MUC4: variants seen among roughly 807,000 people sequenced by gnomAD.
The protein encoded by MUC4 is mucin 4, cell surface associated, also known as mucin-4.
A neutral mutation model predicts 257.9 loss-of-function variants in MUC4; 202 were observed. The observed-to-expected ratio is 0.78, with a 90% CI of 0.70 to 0.88. MUC4 has a LOEUF of 0.88. Among genes scored for constraint, MUC4 ranks in the 40% least tolerant of loss-of-function variants. MUC4 has a pLI of 0.00. For missense variants in MUC4, 5,976 were observed against 6,513.7 expected, an observed-to-expected ratio of 0.92 and a Z score of 2.84; for synonymous variants, 2,351 against 2,757.1, an observed-to-expected ratio of 0.85 and a Z score of 4.62.
At chr3:195,801,647 TGCTC>T (rs1735330623) in intron 1 of MUC4, among the ~76,000 whole-genome samples, 1 of 152,144 alleles carries the variant, frequency 6.6e-6, no homozygotes, top group Admixed American at 6.5e-5. Context: ...TACCACGCAC[TGCTC>T]GCTCTGCCCC....
rs1733585931 is a variant in MUC4 at position 195,789,526 on chromosome 3, T to C, written c.2054A>G (p.Asp685Gly). 2 of 1,613,760 alleles carry C rather than the reference T, an allele frequency of 1.2e-6. No individual in the cohort carries two copies. Among genetic ancestry groups the C allele is most frequent in the South Asian group, 1.1e-5 (1 of 91,054 alleles). ...GHSPSEIVPQ[D>G]APTISAATTF... ...TGTTGCTGCACTTATGGTGGGTGCG[T>C]CCTGAGGAACAATTTCTGAGGGCGA... is the stretch of plus-strand genomic sequence containing the variant. Residue 685 changes from aspartate (D) to glycine (G), a missense_variant, in exon 2 of 25, where the codon GAC (aspartate) becomes GGC (glycine). By Grantham distance (94) the Asp-to-Gly change is moderately conservative. Coordinates refer to ENST00000463781, the MANE Select transcript of MUC4 (RefSeq NM_018406.7).
rs1344822924 is a variant in MUC4 at position 195,778,775 on chromosome 3, G to A, written c.12790+15C>T. On this transcript the variant is annotated intron_variant, in intron 2 of 24. Transcript: ENST00000463781. ...GCCCACTGGGAGACATAAAGGCGAG[G>A]CAGTTGGCAGCTACCTGGTGTTTCC... is the stretch of plus-strand genomic sequence containing the variant. The A allele has an allele frequency of 6.2e-7, 1 of 1,600,032 alleles. No homozygotes were observed. The highest frequency in any genetic ancestry group is 8.5e-7 in the Non-Finnish European group (1 of 1,171,922).
In MUC4 at chr3:195,748,908, CG is replaced by C; in HGVS notation, c.16027del (p.Arg5343AlafsTer20). ...TGGCCACAGCCCTATGCACCTGCAG[CG>C]GGGCCCACTGGGCAGGTGCTGGCAC... is the stretch of plus-strand genomic sequence containing the variant. Reference protein sequence around the residue: ...GQCQHLPSGPRCSCVSFSIYT... With the variant: ...GQCQHLPSGPXCSCVSFSIYT... On this transcript the variant is annotated frameshift_variant, in exon 24 of 25. Coordinates refer to ENST00000463781, the MANE Select transcript of MUC4 (RefSeq NM_018406.7). LOFTEE classifies it low-confidence loss of function (END_TRUNC). 6.3e-7 allele frequency: 1 copy of C among 1,579,250 alleles called. No homozygotes were observed.
At position 195,763,729 on chromosome 3, in the gene MUC4, CAGG is replaced by C. The variant is rs958190244; in HGVS notation, c.14045-91_14045-89del. The C allele has an allele frequency of 1.1e-4, 138 of 1,288,346 alleles. 1 individual carries two copies. In the African/African-American group the frequency reaches 1.9e-3, roughly 18 times the overall value. 79.8% of individuals were successfully genotyped at this position (1,288,346 alleles called of 1,614,324 possible). On this transcript the variant is annotated intron_variant, in intron 11 of 24. Coordinates refer to ENST00000463781, the MANE Select transcript of MUC4 (RefSeq NM_018406.7). ...ACTGCAGTCAGGTGCGGCACTTGTCCAGGAGGACTCAGGGTGAGGTTCCTCACT... is the reference window on the plus strand; with the variant it reads ...ACTGCAGTCAGGTGCGGCACTTGTCCAGGACTCAGGGTGAGGTTCCTCACT...
rs951949968 is a variant in MUC4, at chr3:195,755,654, G to A, written c.15169-1282C>T. Among the ~76,000 whole-genome samples, 4 of 152,016 alleles carry A rather than the reference G, an allele frequency of 2.6e-5. No individual in the cohort carries two copies. The highest frequency in any genetic ancestry group is 1.3e-4 in the Admixed American group (2 of 15,250). ...TCTAACTCCCTTACTGAAGCGACTC[G>A]GGGAATCTCCCTAAAATGGAATCCT... On this transcript the variant is annotated intron_variant, in intron 18 of 24. Coordinates refer to ENST00000463781, the MANE Select transcript of MUC4 (RefSeq NM_018406.7). The surrounding 1 kb of genome is among the most constrained non-coding windows in gnomAD (Gnocchi z 5.0).
chr3:195,747,167 G>A lies in MUC4; in HGVS notation c.*9C>T. The stretch of plus-strand genomic sequence containing the variant: ...GAGTCTTGAGGTAGCCTAGGCCACA[G>A]CTGCCCCTTCAAGGCAAGGCCTCAG... On this transcript the variant is annotated 3_prime_UTR_variant, in exon 25 of 25. Coordinates refer to ENST00000463781, the MANE Select transcript of MUC4 (RefSeq NM_018406.7). 1.2e-6 allele frequency: 2 copies of A among 1,614,236 alleles called. No homozygotes were observed. The highest frequency in any genetic ancestry group is 1.7e-6 in the Non-Finnish European group (2 of 1,180,032).
At position 195,752,384 on chromosome 3, in the gene MUC4, C is replaced by T. The variant is rs1350643454; in HGVS notation, c.15571G>A (p.Val5191Ile). 3 of 1,613,818 alleles carry T rather than the reference C, an allele frequency of 1.9e-6. No individual in the cohort carries two copies. The highest frequency in any genetic ancestry group is 2.2e-5 in the East Asian group (1 of 44,890). Residue 5191 changes from valine to isoleucine, a missense_variant, in exon 21 of 25, where the codon GTC becomes ATC. Val to Ile is a conservative substitution (Grantham distance 29). Coordinates refer to ENST00000463781, the MANE Select transcript of MUC4 (RefSeq NM_018406.7). ...CCTGCAGCACTGACCGAGGCGTTGA[C>T]TTCTGCCATGGAGGCATTTTCCTCT... ...SEEENASMAEVNASVAYRLGT... is the reference protein window; with the variant it reads ...SEEENASMAEINASVAYRLGT...
At chr3:195,806,617 G>T (rs1009709375) in intron 1 of MUC4, among the ~76,000 whole-genome samples, 1 of 152,062 alleles carries the variant, frequency 6.6e-6, no homozygotes, top group African/African-American at 2.4e-5. Context: ...ATTAACAAAT[G>T]AATGAATGAA....
chr3:195,767,727 T>A (rs868010716), intron 7 of MUC4, among the ~76,000 whole-genome samples: 17 of 1,636 alleles, frequency 0.01, no homozygotes, highest in Admixed American at 0.032. Flanking sequence ...ACCACCACCA[T>A]CACCACCACC....
chr3:195,754,892 TC>T (rs1342635323), intron 18 of MUC4, among the ~76,000 whole-genome samples: 1 of 52,380 alleles, frequency 1.9e-5, no homozygotes, highest in Non-Finnish European at 4.9e-5. Context: ...CATGTATGTA[TC>T]CATGTATGTA....
intron 13 of MUC4, 136 bp from the exon 14 acceptor site, chr3:195,762,390 A>G (rs1719205455): frequency 2.0e-6 from 2 of 989,424 alleles, no homozygotes; most frequent in Non-Finnish European, 2.9e-6. Flanking sequence ...CTGGAGGCGG[A>G]GAAGAGGCCG....
chr3:195,771,843 AT>A (rs750217633), intron 4 of MUC4, 27 bp from the exon 5 acceptor site: 1 of 1,607,642 alleles, frequency 6.2e-7, no homozygotes, highest in African/African-American at 1.3e-5. Context: ...TGTGGTCAGC[AT>A]TCAGGGAGGG....
rs374910526 is a variant in MUC4, at chr3:195,759,270, C to G, written c.14849-9G>C. On this transcript the variant is annotated splice_polypyrimidine_tract_variant and intron_variant, in intron 16 of 24. Transcript: ENST00000463781. The stretch of plus-strand genomic sequence containing the variant: ...GGAGGGCGGGTACTGATCTGAAACA[C>G]AAAGAGGGAATGGGGGTTCCGAGGC... 4 of 1,613,460 alleles carry G rather than the reference C, an allele frequency of 2.5e-6. No individual in the cohort carries two copies. The highest frequency in any genetic ancestry group is 3.3e-5 in the Admixed American group (2 of 59,946).
At chr3:195,767,915 G>C (rs13321856) in intron 7 of MUC4, among the ~76,000 whole-genome samples, 1 of 110,844 alleles carries the variant, frequency 9.0e-6, no homozygotes, top group African/African-American at 3.7e-5. Context: ...CATCACCATC[G>C]CCACTGCCAC....
rs1179293028 is a variant in MUC4, at chr3:195,790,976, T to C, written c.604A>G (p.Ser202Gly). Residue 202 changes from serine (S) to glycine (G), a missense_variant, in exon 2 of 25, where the codon AGC becomes GGC. This residue lies in a region of MUC4 where 1,583 missense variants were observed against 1,257.4 expected (regional missense o/e 1.26). Coordinates refer to ENST00000463781, the MANE Select transcript of MUC4 (RefSeq NM_018406.7). The part of the protein sequence containing the change: ...SASSQNHWTR[S>G]TQTTRESQTS... ...TGAGATTCCCTGGTGGTCTGCGTGCTCCGAGTCCAGTGGTTCTGAGAAGAA... is the reference window on the plus strand; with the variant it reads ...TGAGATTCCCTGGTGGTCTGCGTGCCCCGAGTCCAGTGGTTCTGAGAAGAA... The C allele has an allele frequency of 6.2e-7, 1 of 1,614,026 alleles. No individual in the cohort carries two copies. Among genetic ancestry groups the C allele is most frequent in the Admixed American group, 1.7e-5 (1 of 60,018 alleles).
intron 1 of MUC4, among the ~76,000 whole-genome samples, chr3:195,803,938 GAC>G (rs1432297767): frequency 6.6e-6 from 1 of 152,208 alleles, no homozygotes; most frequent in East Asian, 1.9e-4. Context: ...TGGACGCTGT[GAC>G]ACTGGGGTGT....
chr3:195,765,324 G>A lies in MUC4; in HGVS notation c.13744C>T (p.Pro4582Ser). 1 of 1,613,894 alleles carries A rather than the reference G, an allele frequency of 6.2e-7. No individual in the cohort carries two copies. Among genetic ancestry groups the A allele is most frequent in the South Asian group, 1.1e-5 (1 of 91,078 alleles). ...PSWGWNQVSC[P>S]CSWQQGRRDL... ...CGTCGTCCCTGCTGCCAGGAACAAG[G>A]GCAGGAGACCTGGTTCCAGCCCCAG... Residue 4582 changes from proline to serine, a missense_variant, in exon 9 of 25, where the codon CCT becomes TCT. Transcript: ENST00000463781.
At chr3:195,791,735 T>A (rs1733892593) in intron 1 of MUC4, among the ~76,000 whole-genome samples, 2 of 152,150 alleles carry the variant, frequency 1.3e-5, no homozygotes, top group African/African-American at 4.8e-5. Context: ...GACTTCAAAC[T>A]ATACTACAAG....
rs749904571 is a variant in MUC4 at position 195,779,540 on chromosome 3, C to A, written c.12040G>T (p.Ala4014Ser). 74 of 896,692 alleles carry A rather than the reference C, an allele frequency of 8.3e-5. 9 individuals are homozygous for A. The highest frequency in any genetic ancestry group is 3.7e-4 in the Middle Eastern group (1 of 2,732). The allele number at this position is 896,692 out of a possible 1,614,324, so 55.5% of individuals were successfully genotyped here. Residue 4014 changes from alanine to serine, a missense_variant, in exon 2 of 25, where the codon GCC becomes TCC. Physicochemically the swap from Ala to Ser is moderately conservative, Grantham distance 99. Around this residue, in one of 44 missense-constraint regions of MUC4, gnomAD observed 293 missense variants for 294.5 expected, o/e 1.00. Coordinates refer to ENST00000463781, the MANE Select transcript of MUC4 (RefSeq NM_018406.7). ...GGGCTGGTGACAGGAAGAGGGGTGGCGTGACCTGTAGATACTGAGGAAGTG... is the reference window on the plus strand; with the variant it reads ...GGGCTGGTGACAGGAAGAGGGGTGGAGTGACCTGTAGATACTGAGGAAGTG... The part of the protein sequence containing the change: ...TSTSSVSTGH[A>S]TPLPVTSPSS...
Sources: allele counts gnomAD v4.1 joint callset (sites outside exome capture counted in the v4.1 genomes callset), GRCh38; gene constraint gnomAD v4.1.1; regional missense constraint gnomAD v4.1.1; non-coding constraint Gnocchi (gnomAD v3.1); transcripts MANE v1.5; gene names NCBI Gene and HGNC (gene_info 2026-07-23, HGNC 2026-07-21).